Variants in FARS2 observed in about 807,000 individuals in gnomAD.
The protein encoded by FARS2 is phenylalanine--tRNA ligase, mitochondrial.
A neutral mutation model predicts 46.4 loss-of-function variants in FARS2; 40 were observed. The observed-to-expected ratio is 0.86, with a 90% CI of 0.67 to 1.12. FARS2 has a LOEUF of 1.12. FARS2 is among the 50% of genes most tolerant of loss of function. The pLI is 0.00. For synonymous variants in FARS2, 234 were observed against 214.9 expected (o/e 1.09, Z -0.78); for missense variants, 513 against 567.9 (o/e 0.90, Z 0.98).
chr6:5,570,832 G>A (rs1275626554), intron 5 of FARS2, among the ~76,000 whole-genome samples: 2 of 152,090 alleles, frequency 1.3e-5, no homozygotes, highest in Admixed American at 6.5e-5. Flanking sequence ...AGCTGTGCAC[G>A]CATTTCCAGC....
intron 1 of FARS2, among the ~76,000 whole-genome samples, chr6:5,313,071 A>G (rs1250905077): frequency 2.0e-5 from 3 of 152,222 alleles, no homozygotes; most frequent in African/African-American, 7.2e-5. Flanking sequence ...GTACTGCAGA[A>G]CAACCTAATC....
At chr6:5,456,760 G>T (rs1166482169) in intron 4 of FARS2, among the ~76,000 whole-genome samples, 5 of 147,858 alleles carry the variant, frequency 3.4e-5, no homozygotes, top group Non-Finnish European at 7.4e-5. Context: ...AGATGGGCAG[G>T]GTCATTAGCA....
chr6:5,599,700 AT>A (rs753298036), intron 5 of FARS2, among the ~76,000 whole-genome samples: 4 of 152,332 alleles, frequency 2.6e-5, no homozygotes, highest in Middle Eastern at 3.4e-3. Context: ...ATTTTAGAAC[AT>A]TTTCATCACC....
chr6:5,575,572 T>C (rs1772912855), intron 5 of FARS2, among the ~76,000 whole-genome samples: 1 of 152,186 alleles, frequency 6.6e-6, no homozygotes, highest in South Asian at 2.1e-4. Context: ...TGATTCAATA[T>C]CTAATCCAAA....
chr6:5,598,711 C>A (rs1336083108), intron 5 of FARS2, among the ~76,000 whole-genome samples: 1 of 152,012 alleles, frequency 6.6e-6, no homozygotes, highest in Non-Finnish European at 1.5e-5. Flanking sequence ...AGGAAGAAAT[C>A]GAAAACATGT....
chr6:5,604,353 T>C (rs577110436), intron 5 of FARS2, among the ~76,000 whole-genome samples: 1 of 152,290 alleles, frequency 6.6e-6, no homozygotes, highest in South Asian at 2.1e-4. Context: ...ATTTTGTTGA[T>C]GTCTTGGAGT....
upstream of FARS2, chr6:5,260,568 G>A (rs1373854099): frequency 1.3e-6 from 2 of 1,511,310 alleles, no homozygotes; most frequent in African/African-American, 1.4e-5. Context: ...CCAGTCCCCG[G>A]GGATATTCCG....
chr6:5,597,008 G>A lies in FARS2; in HGVS notation c.1066-16161G>A, dbSNP rs535446100. Among the ~76,000 whole-genome samples, 4 of 152,316 alleles carry A rather than the reference G, an allele frequency of 2.6e-5. No homozygotes were observed. The South Asian group carries it at 6.2e-4, about 24-fold the overall frequency. On this transcript the variant is annotated intron_variant, in intron 5 of 6. Transcript: ENST00000274680. ...GTCAGGTGACAATGTGTGAGGTGCTGAGCACCCGCTTTTGCAGATGAGGAA... is the reference window on the plus strand; with the variant it reads ...GTCAGGTGACAATGTGTGAGGTGCTAAGCACCCGCTTTTGCAGATGAGGAA...
chr6:5,527,900 T>A (rs894334704), intron 4 of FARS2, among the ~76,000 whole-genome samples: 2 of 152,224 alleles, frequency 1.3e-5, no homozygotes, highest in Non-Finnish European at 2.9e-5. Context: ...TTCCAGGAAC[T>A]TAGATTGAAA....
At chr6:5,350,650 A>T (rs1757518084) in intron 1 of FARS2, among the ~76,000 whole-genome samples, 1 of 152,184 alleles carries the variant, frequency 6.6e-6, no homozygotes, top group African/African-American at 2.4e-5. Flanking sequence ...TTTGACCTAA[A>T]CCTCACACTT....
At chr6:5,486,785 C>T (rs1582244133) in intron 4 of FARS2, among the ~76,000 whole-genome samples, 1 of 152,200 alleles carries the variant, frequency 6.6e-6, no homozygotes, top group East Asian at 1.9e-4. Context: ...AATGCATGCA[C>T]AGGCCACAAG....
At chr6:5,443,652 C>G (rs978458276) in intron 4 of FARS2, among the ~76,000 whole-genome samples, 1 of 152,204 alleles carries the variant, frequency 6.6e-6, no homozygotes, top group Admixed American at 6.5e-5. Flanking sequence ...GGGCCTGGAG[C>G]CCAGCCAGTC....
At chr6:5,476,154 T>C (rs1197456411) in intron 4 of FARS2, among the ~76,000 whole-genome samples, 1 of 152,098 alleles carries the variant, frequency 6.6e-6, no homozygotes, top group East Asian at 1.9e-4. Context: ...GTCTGCTGAG[T>C]AAGGACAGTT....
At chr6:5,550,025 C>T (rs778624434) in intron 5 of FARS2, among the ~76,000 whole-genome samples, 8 of 152,160 alleles carry the variant, frequency 5.3e-5, no homozygotes, top group Non-Finnish European at 8.8e-5. Flanking sequence ...GGCAAAATTC[C>T]TCCCCACTTT....
chr6:5,465,857 A>C (rs530458470), intron 4 of FARS2, among the ~76,000 whole-genome samples: 2 of 152,160 alleles, frequency 1.3e-5, no homozygotes, highest in South Asian at 4.2e-4. Context: ...CTTCATAGCC[A>C]TACTTTTTTT....
intron 4 of FARS2, among the ~76,000 whole-genome samples, chr6:5,473,933 T>G (rs1022308359): frequency 6.6e-6 from 1 of 152,222 alleles, no homozygotes. Context: ...GCTGCTGATA[T>G]CACTGTGTTT....
intron 4 of FARS2, among the ~76,000 whole-genome samples, chr6:5,460,325 T>A (rs916173870): frequency 1.3e-5 from 2 of 152,242 alleles, no homozygotes; most frequent in Non-Finnish European, 2.9e-5. Flanking sequence ...CAGGCTGTTC[T>A]TTTATCGTAT....
chr6:5,767,695 A>G (rs1028161151), intron 6 of FARS2, among the ~76,000 whole-genome samples: 5 of 152,170 alleles, frequency 3.3e-5, no homozygotes, highest in East Asian at 1.9e-4. Context: ...TGTTTACTCA[A>G]TGGGGTTATG....
intron 4 of FARS2, among the ~76,000 whole-genome samples, chr6:5,483,521 A>G (rs12204376): frequency 0.17 from 25,534 of 151,898 alleles, 2,287 homozygotes; most frequent in Non-Finnish European, 0.18. Flanking sequence ...ACAAAAATTA[A>G]CCAAGCTTGA....
Sources: allele counts gnomAD v4.1 joint callset (sites outside exome capture counted in the v4.1 genomes callset), GRCh38; gene constraint gnomAD v4.1.1; transcripts MANE v1.5; gene names NCBI Gene and HGNC (gene_info 2026-07-23, HGNC 2026-07-21).